SNX24: variants seen among roughly 807,000 people sequenced by gnomAD.
SNX24 encodes the protein sorting nexin 24.
Under a neutral mutation model 28.7 loss-of-function variants are expected in SNX24, and 22 were observed. The observed-to-expected ratio is 0.77, with a 90% CI of 0.55 to 1.10. SNX24 has a LOEUF of 1.10. Ranked by LOEUF, SNX24 falls within the 50% of genes least tolerant of loss-of-function variation. The pLI is 0.00. For synonymous variants in SNX24, 69 were observed against 71.5 expected (o/e 0.96, Z 0.18); for missense variants, 221 against 201.1 (o/e 1.10, Z -0.60).
chr5:122,950,104 T>C (rs942232533), intron 3 of SNX24, among the ~76,000 whole-genome samples: 2 of 152,188 alleles, frequency 1.3e-5, no homozygotes, highest in African/African-American at 4.8e-5. Context: ...CCTGTAAAAG[T>C]AGAATTAAGT....
chr5:122,935,069 C>CTGT (rs1368647861), intron 1 of SNX24, among the ~76,000 whole-genome samples: 2 of 152,176 alleles, frequency 1.3e-5, no homozygotes, highest in African/African-American at 4.8e-5. Flanking sequence ...TTTATAGATT[C>CTGT]TGTAGGTAAT....
intron 1 of SNX24, among the ~76,000 whole-genome samples, chr5:122,895,483 G>A (rs1430061002): frequency 6.6e-6 from 1 of 152,208 alleles, no homozygotes; most frequent in Admixed American, 6.5e-5. Flanking sequence ...GACCAAGGGT[G>A]TAGGCAACCT....
chr5:122,895,751 T>G (rs1757172629), intron 1 of SNX24, among the ~76,000 whole-genome samples: 1 of 152,246 alleles, frequency 6.6e-6, no homozygotes, highest in Non-Finnish European at 1.5e-5. Context: ...CCATTTCTGC[T>G]TATTTGAGCC....
intron 1 of SNX24, among the ~76,000 whole-genome samples, chr5:122,932,664 T>C (rs1263000992): frequency 6.6e-6 from 1 of 151,838 alleles, no homozygotes; most frequent in Non-Finnish European, 1.5e-5. Flanking sequence ...GGTCAGGAGA[T>C]AGAGACCACC....
intron 3 of SNX24, among the ~76,000 whole-genome samples, chr5:122,999,013 TA>T (rs1762148873): frequency 6.8e-6 from 1 of 147,878 alleles, no homozygotes; most frequent in Admixed American, 7.0e-5. Flanking sequence ...GAGATTATGA[TA>T]AAACCTTTGA....
intron 1 of SNX24, among the ~76,000 whole-genome samples, chr5:122,905,111 G>C (rs1392284994): frequency 6.6e-6 from 1 of 152,224 alleles, no homozygotes. Flanking sequence ...CCACACTCCA[G>C]CTGTGTAGAT....
At chr5:122,997,192 C>T (rs902148432) in intron 3 of SNX24, among the ~76,000 whole-genome samples, 3 of 152,072 alleles carry the variant, frequency 2.0e-5, no homozygotes, top group Non-Finnish European at 2.9e-5. Context: ...TTCTTTTCTC[C>T]CAAGCTTTTA....
intron 3 of SNX24, among the ~76,000 whole-genome samples, chr5:122,949,844 C>T (rs187203651): frequency 3.3e-4 from 50 of 152,176 alleles, no homozygotes; most frequent in Admixed American, 3.3e-3. Context: ...TATCCAAGTA[C>T]GTATAGTATC....
At chr5:122,969,746 C>T (rs764576493) in intron 3 of SNX24, among the ~76,000 whole-genome samples, 64 of 152,260 alleles carry the variant, frequency 4.2e-4, no homozygotes, top group Middle Eastern at 3.4e-3. Flanking sequence ...AAAACATTCA[C>T]GATAGGAGAC....
At chr5:122,920,008 A>G (rs1379577797) in intron 1 of SNX24, among the ~76,000 whole-genome samples, 1 of 152,228 alleles carries the variant, frequency 6.6e-6, no homozygotes, top group African/African-American at 2.4e-5. Flanking sequence ...TTTGTTTACA[A>G]CGTTTAGAGG....
intron 3 of SNX24, among the ~76,000 whole-genome samples, chr5:122,970,733 G>A (rs1365135044): frequency 6.6e-6 from 1 of 152,166 alleles, no homozygotes; most frequent in Non-Finnish European, 1.5e-5. Context: ...CTCCCAAAGT[G>A]CTGGAATTAC....
At position 123,001,996 on chromosome 5, in the gene SNX24, C is replaced by T; in HGVS notation, c.434C>T (p.Ala145Val). 6.2e-7 allele frequency: 1 copy of T among 1,613,690 alleles called. No homozygotes were observed. Among genetic ancestry groups the T allele is most frequent in the Non-Finnish European group, 8.5e-7 (1 of 1,179,624 alleles). ...CTCAGGGATCCATATGTCTTGCCTG[C>T]AGCCAGCGGTAATCAAACCTGTCAT... ...LFLRDPYVLPAASDFPNVVIE... is the reference protein window; with the variant it reads ...LFLRDPYVLPVASDFPNVVIE... The change falls in exon 6 of 7, where the codon GCA becomes GTA. Residue 145 changes from alanine (A) to valine (V), a missense_variant. Ala to Val is a moderately conservative substitution (Grantham distance 64). Transcript: ENST00000261369.
At chr5:122,926,733 C>T (rs777616620) in intron 1 of SNX24, among the ~76,000 whole-genome samples, 20 of 152,102 alleles carry the variant, frequency 1.3e-4, no homozygotes, top group Non-Finnish European at 2.4e-4. Flanking sequence ...TAGGTGAATG[C>T]AGATTGCAGA....
intron 3 of SNX24, among the ~76,000 whole-genome samples, chr5:122,963,034 G>T (rs1760551468): frequency 1.3e-5 from 2 of 152,130 alleles, no homozygotes; most frequent in South Asian, 4.1e-4. Context: ...AGGAGTTTGA[G>T]ATCAGCCTGG....
intron 1 of SNX24, among the ~76,000 whole-genome samples, chr5:122,860,200 C>G (rs1437998195): frequency 2.0e-5 from 3 of 152,118 alleles, no homozygotes; most frequent in African/African-American, 7.2e-5. Context: ...TTTTGATGTT[C>G]TTCTTTCTCT....
At position 122,963,201 on chromosome 5, in the gene SNX24, T is replaced by C. The variant is rs560322980; in HGVS notation, c.249+17042T>C. On this transcript the variant is annotated intron_variant, in intron 3 of 6. Coordinates refer to ENST00000261369, the MANE Select transcript of SNX24 (RefSeq NM_014035.4). ...ATGAGCCGAGATTGTGCCACTGCAC[T>C]CCAGCCTGGGTGACAGAGTGAGACA... Among the ~76,000 whole-genome samples the C allele has an allele frequency of 6.6e-5, 10 of 152,340 alleles. No homozygotes were observed. The South Asian group carries it at 1.7e-3, about 25-fold the overall frequency.
chr5:122,907,625 G>T (rs1757696920), intron 1 of SNX24, among the ~76,000 whole-genome samples: 1 of 152,070 alleles, frequency 6.6e-6, no homozygotes, highest in Non-Finnish European at 1.5e-5. Context: ...ATCTACACTG[G>T]CAATGAATGG....
chr5:122,985,072 T>C (rs1241570391), intron 3 of SNX24, among the ~76,000 whole-genome samples: 2 of 152,206 alleles, frequency 1.3e-5, no homozygotes, highest in African/African-American at 2.4e-5. Context: ...GCGAGAGCAT[T>C]ACTGTTCTGT....
chr5:122,878,849 A>G (rs1756348135), intron 1 of SNX24, among the ~76,000 whole-genome samples: 1 of 151,866 alleles, frequency 6.6e-6, no homozygotes, highest in African/African-American at 2.4e-5. Flanking sequence ...GGTGGTACAC[A>G]GCTGTAATCC....
Sources: gnomAD v4.1 joint callset for allele counts (sites outside exome capture counted in the v4.1 genomes callset) on GRCh38, gnomAD v4.1.1 for gene constraint, MANE v1.5 for transcripts, NCBI Gene and HGNC (gene_info 2026-07-23, HGNC 2026-07-21) for gene names.